A2ML1: variants seen among roughly 807,000 people sequenced by gnomAD.
The protein encoded by A2ML1 is alpha-2-macroglobulin-like protein 1.
A neutral mutation model predicts 181.9 loss-of-function variants in A2ML1; 161 were observed. The observed-to-expected ratio is 0.89, with a 90% confidence interval of 0.78 to 1.01. The LOEUF (loss-of-function observed/expected upper bound fraction) is 1.01. Ranked by LOEUF, A2ML1 falls within the 50% of genes least tolerant of loss-of-function variation. A2ML1 has a pLI of 0.00. For synonymous variants in A2ML1, 663 were observed against 666.8 expected, an observed-to-expected ratio of 0.99 and a Z score of 0.09; for missense variants, 1,670 against 1,768.1, an observed-to-expected ratio of 0.94 and a Z score of 1.00.
Position 8,838,486 on chromosome 12 carries a change from G to T in A2ML1, c.970+36G>T, listed in dbSNP as rs757703732. On this transcript the variant is annotated intron_variant, in intron 9 of 35. Coordinates refer to ENST00000299698, the MANE Select transcript of A2ML1 (RefSeq NM_144670.6). ...TGCTCCTTGGCTCATTAAGAAAAGA[G>T]AAAGAAAAAGGGCTGGTCCCAGGGA... 2.5e-5 allele frequency: 39 copies of T among 1,534,156 alleles called. No individual in the cohort carries two copies. In the African/African-American group the frequency reaches 5.1e-4, roughly 20 times the overall value.
chr12:8,822,720 G>C lies in A2ML1; in HGVS notation c.62+7G>C, dbSNP rs1291936844. The C allele has an allele frequency of 6.2e-7, 1 of 1,614,028 alleles. No homozygotes were observed. Among genetic ancestry groups the C allele is most frequent in the Admixed American group, 1.7e-5 (1 of 60,026 alleles). On this transcript the variant is annotated splice_region_variant and intron_variant, in intron 1 of 35. Transcript: ENST00000299698. ...CCATTGCAGAAGAACTTCCGTGAGT[G>C]CTTGGTGTCAGAATTGGTTTATTAG...
At chr12:8,846,331 G>A (rs776675202) in intron 14 of A2ML1, 109 bp downstream of exon 14, 52 of 1,223,050 alleles carry the variant, frequency 4.3e-5, no homozygotes, top group Middle Eastern at 2.0e-4. Flanking sequence ...TAGTGTTGAC[G>A]TTGGATGTTG....
intron 1 of A2ML1, 84 bp downstream of exon 1, chr12:8,822,797 G>T: frequency 7.6e-7 from 1 of 1,315,916 alleles, no homozygotes. Context: ...GAGATGGGGA[G>T]ATCAACTTTG....
chr12:8,853,401 C>A (rs185578541), intron 20 of A2ML1, among the ~76,000 whole-genome samples: 506 of 152,308 alleles, frequency 3.3e-3, no homozygotes, highest in South Asian at 0.023. Flanking sequence ...TGTTGCTTGA[C>A]AAATTATTGT....
chr12:8,872,699 G>A (rs770431678), intron 33 of A2ML1, among the ~76,000 whole-genome samples: 16 of 150,454 alleles, frequency 1.1e-4, no homozygotes, highest in Admixed American at 4.0e-4. Flanking sequence ...CAGAAGAATC[G>A]CCTGAACCTG....
Position 8,857,613 on chromosome 12 carries a change from G to C in A2ML1, c.3107+25G>C, listed in dbSNP as rs371031417. The C allele has an allele frequency of 3.6e-4, 580 of 1,599,598 alleles. 5 individuals are homozygous for C. The highest frequency in any genetic ancestry group is 1.5e-3 in the Middle Eastern group (9 of 6,046). ...GGTAATATCACCCAATTCCCAATGA[G>C]TTCTGTACTCCAGAGCATAATTCCT... On this transcript the variant is annotated intron_variant, in intron 25 of 35. Transcript: ENST00000299698.
intron 11 of A2ML1, 89 bp from the exon 12 acceptor site, chr12:8,843,045 A>C: frequency 6.2e-6 from 7 of 1,129,304 alleles, no homozygotes; most frequent in African/African-American, 1.5e-5. Context: ...ATTTGAGAGA[A>C]AGAGCTCTAT....
chr12:8,853,270 G>A (rs1943953018), intron 20 of A2ML1, among the ~76,000 whole-genome samples: 1 of 152,194 alleles, frequency 6.6e-6, no homozygotes, highest in Non-Finnish European at 1.5e-5. Context: ...GGGATTACAA[G>A]AATGAGTCAC....
chr12:8,864,035 C>G (rs1448743176), intron 29 of A2ML1, 27 bp downstream of exon 29: 18 of 1,592,202 alleles, frequency 1.1e-5, no homozygotes, highest in Non-Finnish European at 1.5e-5. Context: ...CCCACTGCCA[C>G]TTATCAGGTA....
chr12:8,873,242 ATTT>A (rs775312034), intron 33 of A2ML1, among the ~76,000 whole-genome samples: 2 of 142,248 alleles, frequency 1.4e-5, no homozygotes, highest in African/African-American at 2.6e-5. Flanking sequence ...TTATAATACG[ATTT>A]TTTTTTTTTT....
chr12:8,849,600 T>C, intron 16 of A2ML1, 69 bp from the exon 17 acceptor site: 1 of 1,242,394 alleles, frequency 8.0e-7, no homozygotes, highest in Admixed American at 1.8e-5. Flanking sequence ...GATGGTGGAA[T>C]TCCTGGGCAG....
intron 7 of A2ML1, among the ~76,000 whole-genome samples, chr12:8,884,979 A>C (rs1303082614): frequency 3.9e-5 from 6 of 152,234 alleles, no homozygotes; most frequent in Non-Finnish European, 5.9e-5. Context: ...TGCTGCAATG[A>C]ACATTTGCAT....
intron 28 of A2ML1, among the ~76,000 whole-genome samples, chr12:8,861,652 G>T (rs961366663): frequency 3.3e-5 from 5 of 150,512 alleles, no homozygotes; most frequent in African/African-American, 7.4e-5. Context: ...CACGCCCGGC[G>T]AATTTTTTGT....
chr12:8,861,163 G>T lies in A2ML1; in HGVS notation c.3368G>T (p.Cys1123Phe). 3 of 1,614,154 alleles carry T rather than the reference G, an allele frequency of 1.9e-6. No individual in the cohort carries two copies. Among genetic ancestry groups the T allele is most frequent in the East Asian group, 2.2e-5 (1 of 44,882 alleles). Residue 1123 changes from cysteine (C) to phenylalanine (F), a missense_variant, in exon 28 of 36, where the codon TGT becomes TTT. By Grantham distance (205) the Cys-to-Phe change is radical. Coordinates refer to ENST00000299698, the MANE Select transcript of A2ML1 (RefSeq NM_144670.6). ...CCAATGGTGAGTCAGGGTCTACGGT[G>T]TCTCAAGAATTCGGCCACCTCCACG... ...DDPMVSQGLR[C>F]LKNSATSTTN...
chr12:8,837,658 G>T, intron 8 of A2ML1, 92 bp downstream of exon 8: 12 of 1,377,860 alleles, frequency 8.7e-6, no homozygotes, highest in Non-Finnish European at 1.2e-5. Context: ...GAGATGGGCG[G>T]ATCACGAGGT....
chr12:8,885,422 T>C (rs1454324142), intron 7 of A2ML1, among the ~76,000 whole-genome samples: 1 of 152,142 alleles, frequency 6.6e-6, no homozygotes, highest in African/African-American at 2.4e-5. Context: ...AATGCTTTCC[T>C]TATGTTTTCA....
At chr12:8,833,646 A>G (rs7957396) in intron 4 of A2ML1, among the ~76,000 whole-genome samples, 116,020 of 151,876 alleles carry the variant, frequency 0.76, 45,835 homozygotes, top group East Asian at 1. Context: ...TCCAACCGCC[A>G]CAGCCTCCCA....
rs768513499 is a variant in A2ML1, at chr12:8,857,169, A to C, written c.2854A>C (p.Ile952Leu). The C allele has an allele frequency of 3.7e-6, 6 of 1,611,768 alleles. No individual in the cohort carries two copies. Among genetic ancestry groups the C allele is most frequent in the African/African-American group, 2.7e-5 (2 of 74,844 alleles). The change falls in exon 24 of 36, where the codon ATT becomes CTT. Residue 952 changes from isoleucine to leucine, a missense_variant. Transcript: ENST00000299698. The stretch of plus-strand genomic sequence containing the variant: ...TCTCTCCTTTTGGATCCCAGGAGAC[A>C]TTATGGGCACAGCCCTGCAGAACCT... The part of the protein sequence containing the change: ...TKAYVTVLGD[I>L]MGTALQNLDG...
chr12:8,870,460 G>C (rs56290507), intron 33 of A2ML1, among the ~76,000 whole-genome samples: 8,568 of 152,068 alleles, frequency 0.056, 335 homozygotes, highest in Non-Finnish European at 0.088. Context: ...CTAGAGACAG[G>C]GTTTCACCGT....
Sources: gnomAD v4.1 joint callset for allele counts (sites outside exome capture counted in the v4.1 genomes callset) on GRCh38, gnomAD v4.1.1 for gene constraint, MANE v1.5 for transcripts, NCBI Gene and HGNC (gene_info 2026-07-23, HGNC 2026-07-21) for gene names.